The following HOXC6 variants were observed in gnomAD, a reference collection of about 807,000 sequenced individuals.
The protein encoded by HOXC6 is homeobox C6, also known as homeobox protein Hox-C6.
A neutral mutation model predicts 24.0 loss-of-function variants in HOXC6; 10 were observed. That is an observed-to-expected ratio of 0.42 (90% CI 0.26 to 0.71). The LOEUF is 0.71. Ranked by LOEUF, HOXC6 falls within the 30% of genes least tolerant of loss-of-function variation. The pLI is 0.28. For missense variants in HOXC6, 258 were observed against 303.4 expected, an observed-to-expected ratio of 0.85 and a Z score of 1.11; for synonymous variants, 123 against 128.1, an observed-to-expected ratio of 0.96 and a Z score of 0.27.
chr12:54,028,806 C>T lies in HOXC6; in HGVS notation c.285C>T (p.Asn95=). The T allele has an allele frequency of 6.2e-7, 1 of 1,614,168 alleles. No homozygotes were observed. The highest frequency in any genetic ancestry group is 8.5e-7 in the Non-Finnish European group (1 of 1,180,034). Residue 95 remains asparagine, a synonymous_variant, in exon 1 of 2, where the codon AAC becomes AAT. Coordinates refer to ENST00000243108, the MANE Select transcript of HOXC6 (RefSeq NM_004503.4). The part of the protein sequence containing the change: ...SNCRQNTLGH[N]TQTSIAQDFS... ...GCAGACAAAACACCTTAGGACATAA[C>T]ACACAGACCTCAATCGCTCAGGATT...
upstream of HOXC6, among the ~76,000 whole-genome samples, chr12:54,025,397 T>C (rs1940645057): frequency 6.6e-6 from 1 of 152,096 alleles, no homozygotes; most frequent in Non-Finnish European, 1.5e-5. Flanking sequence ...TAATCCAATG[T>C]AGGGAAGATC....
chr12:54,029,457 C>G (rs1940895437), intron 1 of HOXC6, among the ~76,000 whole-genome samples, 198 bp from the exon 2 acceptor site: 1 of 147,644 alleles, frequency 6.8e-6, no homozygotes, highest in Non-Finnish European at 1.5e-5. Context: ...ACAGGTCCCA[C>G]CTTATAGGAG....
chr12:54,020,097 A>G (rs1352582963), intron 1 of HOXC6: 1 of 152,278 alleles, frequency 6.6e-6, no homozygotes, highest in East Asian at 1.9e-4. Context: ...CAGAAGCACA[A>G]GAGGACCCAC....
At chr12:54,023,187 A>G (rs1198303342) in intron 1 of HOXC6, among the ~76,000 whole-genome samples, 4 of 152,182 alleles carry the variant, frequency 2.6e-5, no homozygotes. Flanking sequence ...CTTGGGCACC[A>G]GCCCCCAAAA....
At chr12:54,019,258 A>C (rs1271013641) in intron 1 of HOXC6, among the ~76,000 whole-genome samples, 1 of 131,562 alleles carries the variant, frequency 7.6e-6, no homozygotes. Flanking sequence ...TTTACGATCG[A>C]GAAAAGCGCT....
chr12:54,019,781 G>A (rs1011790291), intron 1 of HOXC6: 1 of 151,996 alleles, frequency 6.6e-6, no homozygotes, highest in African/African-American at 2.4e-5. Flanking sequence ...GTTCGAGGTT[G>A]GCCGCTTAAC....
upstream of HOXC6, among the ~76,000 whole-genome samples, chr12:54,025,913 C>G (rs1359889001): frequency 2.6e-5 from 4 of 152,056 alleles, no homozygotes; most frequent in East Asian, 5.8e-4. Context: ...GCCCCAGAAG[C>G]CCCTTCTTTC....
chr12:54,019,019 G>C (rs1451277876), intron 1 of HOXC6, among the ~76,000 whole-genome samples: 3 of 152,154 alleles, frequency 2.0e-5, no homozygotes. Context: ...AGATCAAACC[G>C]TTTGGGCCAG....
Position 54,030,035 on chromosome 12 carries a change from C to G in HOXC6, c.*73C>G. 1 of 1,313,770 alleles carries G rather than the reference C, an allele frequency of 7.6e-7. No individual in the cohort carries two copies. Among genetic ancestry groups the G allele is most frequent in the Non-Finnish European group, 1.0e-6 (1 of 973,856 alleles). 81.4% of individuals were successfully genotyped at this position (1,313,770 alleles called of 1,614,324 possible). On this transcript the variant is annotated 3_prime_UTR_variant, in exon 2 of 2. Coordinates refer to ENST00000243108, the MANE Select transcript of HOXC6 (RefSeq NM_004503.4). ...ACCAACTCTCCCCTAATCACACACT[C>G]TGTATTTATCACTGGCACAATTGAT...
chr12:54,024,572 C>A (rs982142416), upstream of HOXC6, among the ~76,000 whole-genome samples: 3 of 152,172 alleles, frequency 2.0e-5, no homozygotes, highest in African/African-American at 7.2e-5. Flanking sequence ...ATATCCCTCC[C>A]CAGGAAATTA....
chr12:54,018,132 C>T (rs1391273960), intron 1 of HOXC6, among the ~76,000 whole-genome samples: 1 of 151,442 alleles, frequency 6.6e-6, no homozygotes, highest in African/African-American at 2.4e-5. Flanking sequence ...GGGAGGTGCC[C>T]TGCGTTGGGT....
intron 1 of HOXC6, chr12:54,021,771 G>GC (rs1940455698): frequency 6.6e-6 from 1 of 152,356 alleles, no homozygotes; most frequent in Admixed American, 6.5e-5. Context: ...CTCTGCCACG[G>GC]CGCCGCAGCC....
chr12:54,028,352 T>C (rs1008193086), upstream of HOXC6: 12 of 633,060 alleles, frequency 1.9e-5, no homozygotes, highest in Admixed American at 6.2e-5. Flanking sequence ...GCGATTTTTT[T>C]CCCCCTTCCT....
upstream of HOXC6, among the ~76,000 whole-genome samples, chr12:54,024,142 G>A (rs773753251): frequency 2.0e-5 from 3 of 152,188 alleles, no homozygotes; most frequent in Admixed American, 6.5e-5. Context: ...ACTGAAACTC[G>A]GCTTTCTCCG....
At chr12:54,023,697 T>C (rs1445603240), upstream of HOXC6, among the ~76,000 whole-genome samples, 2 of 152,196 alleles carry the variant, frequency 1.3e-5, no homozygotes, top group African/African-American at 4.8e-5. Context: ...CCCCAAATGA[T>C]ATCCATTTCT....
At chr12:54,018,613 T>C (rs567781688) in intron 1 of HOXC6, among the ~76,000 whole-genome samples, 2 of 152,316 alleles carry the variant, frequency 1.3e-5, no homozygotes, top group African/African-American at 4.8e-5. Context: ...TACGTGGCCC[T>C]GAATGTGTTG....
At chr12:54,023,923 C>T (rs1234714255), upstream of HOXC6, among the ~76,000 whole-genome samples, 5 of 152,184 alleles carry the variant, frequency 3.3e-5, no homozygotes, top group South Asian at 4.1e-4. Context: ...GACCAGGAGG[C>T]TCTTTGCGAT....
intron 1 of HOXC6, chr12:54,021,538 G>A (rs1473467897): frequency 6.6e-6 from 1 of 152,238 alleles, no homozygotes; most frequent in Non-Finnish European, 1.5e-5. Flanking sequence ...ATAAAAGAAA[G>A]CAGGGACCAG....
At chr12:54,024,446 G>A (rs1940598583), upstream of HOXC6, among the ~76,000 whole-genome samples, 2 of 152,182 alleles carry the variant, frequency 1.3e-5, no homozygotes, top group Admixed American at 1.3e-4. Flanking sequence ...ACAAACATCC[G>A]CGCAGAGTTA....
Sources: allele counts gnomAD v4.1 joint callset (sites outside exome capture counted in the v4.1 genomes callset), GRCh38; gene constraint gnomAD v4.1.1; transcripts MANE v1.5; gene names NCBI Gene and HGNC (gene_info 2026-07-23, HGNC 2026-07-21).